The following ITGA8 variants were observed in gnomAD, a reference collection of about 807,000 sequenced individuals.
ITGA8 encodes integrin alpha-8.
In ITGA8, 91 loss-of-function variants were observed where a neutral mutation model predicts 142.3. That is an observed-to-expected ratio of 0.64 (90% CI 0.54 to 0.76). The LOEUF (loss-of-function observed/expected upper bound fraction) is 0.76. Among genes scored for constraint, ITGA8 ranks in the 30% least tolerant of loss-of-function variants. The pLI is 0.00. For synonymous variants in ITGA8, 505 were observed against 485.2 expected, an observed-to-expected ratio of 1.04 and a Z score of -0.54; for missense variants, 1,406 against 1,327.7, an observed-to-expected ratio of 1.06 and a Z score of -0.92.
At chr10:15,547,611 G>A (rs1003355996) in intron 27 of ITGA8, among the ~76,000 whole-genome samples, 4 of 152,028 alleles carry the variant, frequency 2.6e-5, no homozygotes, top group Admixed American at 6.6e-5. Flanking sequence ...ACAAATCAAT[G>A]GAATGATCCC....
intron 20 of ITGA8, 72 bp from the exon 21 acceptor site, chr10:15,597,371 G>T (rs1833027452): frequency 3.3e-6 from 4 of 1,216,704 alleles, no homozygotes; most frequent in Admixed American, 3.4e-5. Flanking sequence ...CATGCTGGGG[G>T]CCTGGGAGCT....
At chr10:15,631,297 C>G (rs1564382744) in intron 13 of ITGA8, among the ~76,000 whole-genome samples, 1 of 151,866 alleles carries the variant, frequency 6.6e-6, no homozygotes, top group Non-Finnish European at 1.5e-5. Context: ...TTCACAATAG[C>G]AAAGACTTGG....
chr10:15,572,377 C>A lies in ITGA8; in HGVS notation c.2479-8G>T. The A allele has an allele frequency of 1.2e-6, 2 of 1,613,232 alleles. No homozygotes were observed. The highest frequency in any genetic ancestry group is 2.2e-5 in the South Asian group (2 of 90,910). On this transcript the variant is annotated splice_polypyrimidine_tract_variant and splice_region_variant and intron_variant, in intron 24 of 29. Coordinates refer to ENST00000378076, the MANE Select transcript of ITGA8 (RefSeq NM_003638.3). ...TGGTCCAATATTGTGCAGCTGTAAACAAGTGACATGTTATCTAATGACCCA... is the reference window on the plus strand; with the variant it reads ...TGGTCCAATATTGTGCAGCTGTAAAAAAGTGACATGTTATCTAATGACCCA...
Position 15,652,592 on chromosome 10 carries a change from GA to G in ITGA8, c.1001+2761del, listed in dbSNP as rs1164460213. ...TCTTTCCAAATGACTAAAAGGCTTT[GA>G]TTACAATTACAGTCCACCTAAGTTG... On this transcript the variant is annotated intron_variant, in intron 11 of 29. Coordinates refer to ENST00000378076, the MANE Select transcript of ITGA8 (RefSeq NM_003638.3). Among the ~76,000 whole-genome samples, 4 of 152,196 alleles carry G rather than the reference GA, an allele frequency of 2.6e-5. No homozygotes were observed. The East Asian group carries it at 7.7e-4, about 29-fold the overall frequency.
rs185302863 is a variant in ITGA8, at chr10:15,654,191, C to T, written c.1001+1163G>A. 1.7e-4 allele frequency among the ~76,000 whole-genome samples: 26 copies of T among 152,280 alleles called. No homozygotes were observed. The East Asian group carries it at 5.0e-3, about 29-fold the overall frequency. On this transcript the variant is annotated intron_variant, in intron 11 of 29. Coordinates refer to ENST00000378076, the MANE Select transcript of ITGA8 (RefSeq NM_003638.3). ...ATTTCTTTTTTAGCACTGAATAAAA[C>T]TGAATTATCAGGATGTACCAGAATT... is the stretch of plus-strand genomic sequence containing the variant.
intron 22 of ITGA8, among the ~76,000 whole-genome samples, chr10:15,590,366 T>G (rs1020084707): frequency 8.5e-5 from 13 of 152,222 alleles, no homozygotes; most frequent in Non-Finnish European, 4.4e-5. Flanking sequence ...CCTTGTGTCT[T>G]TTGCTTCTTA....
rs956173145 is a variant in ITGA8, at chr10:15,550,708, A to T, written c.2767-2140T>A. ...GTAGGATAGCAATGAGAGAAAGTCT[A>T]TATGAAGAGTCTTCCTATGCATGCT... On this transcript the variant is annotated intron_variant, in intron 26 of 29. Transcript: ENST00000378076. Among the ~76,000 whole-genome samples, 4 of 152,218 alleles carry T rather than the reference A, an allele frequency of 2.6e-5. No individual in the cohort carries two copies. In the South Asian group the frequency reaches 8.3e-4, roughly 31 times the overall value.
chr10:15,654,736 T>G (rs1834151851), intron 11 of ITGA8, among the ~76,000 whole-genome samples: 1 of 152,226 alleles, frequency 6.6e-6, no homozygotes, highest in Non-Finnish European at 1.5e-5. Flanking sequence ...ATAATATTTT[T>G]GGGTGGATAA....
At chr10:15,672,603 G>A (rs950673034) in intron 7 of ITGA8, 21 bp downstream of exon 7, 7 of 1,600,814 alleles carry the variant, frequency 4.4e-6, no homozygotes, top group Non-Finnish European at 6.0e-6. Context: ...AACCACAAAT[G>A]TCTTGGGCAA....
intron 13 of ITGA8, among the ~76,000 whole-genome samples, chr10:15,635,509 G>A (rs553778535): frequency 8.9e-4 from 135 of 152,260 alleles, no homozygotes; most frequent in African/African-American, 3.1e-3. Context: ...AAAATCACAC[G>A]TGGGAGAACT....
intron 25 of ITGA8, among the ~76,000 whole-genome samples, chr10:15,562,062 ATCCAATTACC>A (rs1219234334): frequency 2.0e-5 from 3 of 152,194 alleles, no homozygotes; most frequent in African/African-American, 7.2e-5. Context: ...CACCCCCGTG[ATCCAATTACC>A]TCCACCTGGT....
At chr10:15,622,464 T>C (rs941531125) in intron 13 of ITGA8, among the ~76,000 whole-genome samples, 7 of 152,204 alleles carry the variant, frequency 4.6e-5, no homozygotes, top group African/African-American at 1.7e-4. Flanking sequence ...AGTGTCTATC[T>C]TATAGTTGTA....
chr10:15,691,839 C>A (rs571654038), intron 2 of ITGA8, among the ~76,000 whole-genome samples: 304 of 152,256 alleles, frequency 2.0e-3, no homozygotes, highest in Admixed American at 4.3e-3. Flanking sequence ...CACATATACA[C>A]AAAAGGCAAC....
At chr10:15,642,380 T>C (rs888812554) in intron 13 of ITGA8, among the ~76,000 whole-genome samples, 1 of 152,138 alleles carries the variant, frequency 6.6e-6, no homozygotes, top group Admixed American at 6.5e-5. Flanking sequence ...GCACAGCCTT[T>C]CTGTCAATTT....
intron 2 of ITGA8, among the ~76,000 whole-genome samples, chr10:15,691,212 A>G (rs1439694659): frequency 6.6e-6 from 1 of 152,210 alleles, no homozygotes; most frequent in Non-Finnish European, 1.5e-5. Flanking sequence ...GGAGGATATG[A>G]AGAAAGGGAC....
At chr10:15,540,296 C>T (rs1278314253) in intron 27 of ITGA8, among the ~76,000 whole-genome samples, 2 of 152,192 alleles carry the variant, frequency 1.3e-5, no homozygotes, top group Admixed American at 6.5e-5. Flanking sequence ...CTGTTCCCCA[C>T]CTTCCCTTCC....
chr10:15,629,058 C>T lies in ITGA8; in HGVS notation c.1400-12499G>A, dbSNP rs148471854. Reference sequence around the variant, plus strand: ...AAGAGAATTTAGGTACCCCTACTCACGGCGCTTTTTCCATCACACTGCCTA... The same window carrying T: ...AAGAGAATTTAGGTACCCCTACTCATGGCGCTTTTTCCATCACACTGCCTA... On this transcript the variant is annotated intron_variant, in intron 13 of 29. Transcript: ENST00000378076. 1.0e-3 allele frequency among the ~76,000 whole-genome samples: 157 copies of T among 151,900 alleles called. 1 individual carries two copies. The highest frequency in any genetic ancestry group is 6.8e-3 in the Middle Eastern group (2 of 294).
At chr10:15,532,418 C>CAACAAAAAAA (rs1833323297) in intron 27 of ITGA8, among the ~76,000 whole-genome samples, 1 of 27,824 alleles carries the variant, frequency 3.6e-5, no homozygotes, top group African/African-American at 2.1e-4. Flanking sequence ...GACTCCCTCT[C>CAACAAAAAAA]AAAAAAAAAA....
intron 24 of ITGA8, among the ~76,000 whole-genome samples, chr10:15,573,368 C>T (rs756854688): frequency 6.6e-6 from 1 of 151,834 alleles, no homozygotes; most frequent in South Asian, 2.1e-4. Context: ...TTTCACCATT[C>T]TTGAGCAGAA....
Sources: gnomAD v4.1 joint callset for allele counts (sites outside exome capture counted in the v4.1 genomes callset) on GRCh38, gnomAD v4.1.1 for gene constraint, MANE v1.5 for transcripts, NCBI Gene and HGNC (gene_info 2026-07-23, HGNC 2026-07-21) for gene names.